The following RBM34 variants were observed in gnomAD, a reference collection of about 807,000 sequenced individuals.
RBM34 encodes the protein RNA-binding protein 34.
In RBM34, 39 loss-of-function variants were observed where a neutral mutation model predicts 44.6. That is an observed-to-expected ratio of 0.87 (90% CI 0.68 to 1.14). RBM34 has a LOEUF of 1.14. Among genes scored for constraint, RBM34 ranks in the 50% most tolerant of loss-of-function variants. The probability of loss-of-function intolerance (pLI) is 0.00; values close to 1 mark genes in which losing one functional copy is unlikely to be tolerated. For synonymous variants in RBM34, 194 were observed against 184.0 expected, an observed-to-expected ratio of 1.05 and a Z score of -0.44; for missense variants, 572 against 517.9, an observed-to-expected ratio of 1.10 and a Z score of -1.01.
At chr1:235,148,634 T>A (rs1369999138) in intron 5 of RBM34, among the ~76,000 whole-genome samples, 187 bp from the exon 6 acceptor site, 1 of 151,528 alleles carries the variant, frequency 6.6e-6, no homozygotes, top group Non-Finnish European at 1.5e-5. Flanking sequence ...AGTCTCACAC[T>A]GTCACCCAGG....
At chr1:235,160,842 G>T (rs1293314078) in intron 2 of RBM34, 51 bp downstream of exon 2, 2 of 1,597,978 alleles carry the variant, frequency 1.3e-6, no homozygotes, top group Non-Finnish European at 1.7e-6. Context: ...AGATTGCTTT[G>T]TATGTAAGTG....
chr1:235,161,220 A>C lies in RBM34; in HGVS notation c.7T>G (p.Leu3Val). 3.1e-6 allele frequency: 5 copies of C among 1,612,930 alleles called. No individual in the cohort carries two copies. The highest frequency in any genetic ancestry group is 3.4e-6 in the Non-Finnish European group (4 of 1,179,642). The change falls in exon 1 of 11, where the codon TTG becomes GTG. Residue 3 changes from leucine to valine, a missense_variant. Transcript: ENST00000408888. MA[L>V]EGMSKRKRKR... ...CTCTTCCGTTTGCTCATCCCTTCCA[A>C]GGCCATTCTTACTCCAAAGACTCCC...
At chr1:235,133,557 C>A (rs1025884423) in intron 10 of RBM34, among the ~76,000 whole-genome samples, 1 of 151,934 alleles carries the variant, frequency 6.6e-6, no homozygotes, top group African/African-American at 2.4e-5. Flanking sequence ...CAAGGAAAAA[C>A]TGAAAGGAAA....
At position 235,155,056 on chromosome 1, in the gene RBM34, T is replaced by C. The variant is rs1471231724; in HGVS notation, c.422A>G (p.Gln141Arg). The C allele has an allele frequency of 1.9e-6, 3 of 1,614,012 alleles. No individual in the cohort carries two copies. The East Asian group carries it at 6.7e-5, about 36-fold the overall frequency. ...LEEEIHQKQG[Q>R]KRKNSQPGVK... The stretch of plus-strand genomic sequence containing the variant: ...ACCAGGTTGAGAATTTTTCCTTTTC[T>C]GCCCTTGTTTCTGGTGAATTTCTTC... Residue 141 changes from glutamine to arginine, a missense_variant, in exon 4 of 11, where the codon CAG becomes CGG. Physicochemically the swap from Gln to Arg is conservative, Grantham distance 43 (BLOSUM62 1). Transcript: ENST00000408888.
intron 6 of RBM34, among the ~76,000 whole-genome samples, chr1:235,145,980 T>G (rs1206376499): frequency 6.7e-6 from 1 of 148,404 alleles, no homozygotes; most frequent in Non-Finnish European, 1.5e-5. Flanking sequence ...TTTTTTTTTT[T>G]TTTTTTTTTT....
Position 235,155,930 on chromosome 1 carries a change from C to T in RBM34, c.366-818G>A, listed in dbSNP as rs1194505174. ...TGTCTCCCAGACTGGAGTATAGTGG[C>T]GCAATCTCGGCTCACTGCAACCTCC... is the stretch of plus-strand genomic sequence containing the variant. On this transcript the variant is annotated intron_variant, in intron 3 of 10. Coordinates refer to ENST00000408888, the MANE Select transcript of RBM34 (RefSeq NM_015014.4). Among the ~76,000 whole-genome samples the T allele has an allele frequency of 4.5e-5, 6 of 133,812 alleles. No homozygotes were observed. In the South Asian group the frequency reaches 6.8e-4, roughly 15 times the overall value. The allele number at this position is 133,812 out of a possible 152,430, so 87.8% of individuals were successfully genotyped here. A position where few individuals can be genotyped will look rare whatever the true frequency, so the allele number is the denominator to read the frequency against.
intron 6 of RBM34, among the ~76,000 whole-genome samples, chr1:235,139,472 G>A (rs968463108): frequency 6.6e-6 from 1 of 152,056 alleles, no homozygotes; most frequent in African/African-American, 2.4e-5. Context: ...GAAGAGGTAC[G>A]TGACTGCGAT....
chr1:235,158,267 A>C (rs977451078), intron 3 of RBM34, among the ~76,000 whole-genome samples: 1 of 152,048 alleles, frequency 6.6e-6, no homozygotes, highest in African/African-American at 2.4e-5. Context: ...AAATACAAAA[A>C]TTAGCTGGGT....
At chr1:235,141,051 C>T (rs1342053260) in intron 6 of RBM34, among the ~76,000 whole-genome samples, 1 of 150,658 alleles carries the variant, frequency 6.6e-6, no homozygotes, top group East Asian at 2.0e-4. Context: ...CTGGTGGGGC[C>T]TTGGACAACC....
intron 10 of RBM34, among the ~76,000 whole-genome samples, chr1:235,132,782 G>A (rs554415077): frequency 6.6e-6 from 1 of 152,126 alleles, no homozygotes; most frequent in South Asian, 2.1e-4. Context: ...TTCCAATATA[G>A]AGCCATTAAT....
At chr1:235,146,723 C>A (rs906472317) in intron 6 of RBM34, among the ~76,000 whole-genome samples, 3 of 152,106 alleles carry the variant, frequency 2.0e-5, no homozygotes, top group Non-Finnish European at 4.4e-5. Context: ...TGGGATCAAG[C>A]GATTCTCTTG....
chr1:235,157,725 G>C (rs1662510833), intron 3 of RBM34, among the ~76,000 whole-genome samples: 1 of 152,198 alleles, frequency 6.6e-6, no homozygotes, highest in Non-Finnish European at 1.5e-5. Flanking sequence ...GAATTGGCAA[G>C]AGGACAATCA....
Position 235,135,860 on chromosome 1 carries a change from G to A in RBM34, c.890-90C>T, listed in dbSNP as rs541467825. The A allele has an allele frequency of 1.9e-5, 25 of 1,302,868 alleles. No individual in the cohort carries two copies. In the East Asian group the frequency reaches 5.8e-4, roughly 30 times the overall value. 80.7% of individuals were successfully genotyped at this position (1,302,868 alleles called of 1,614,324 possible). On this transcript the variant is annotated intron_variant, in intron 9 of 10. Transcript: ENST00000408888. ...TTAATAATACAGCTAGTTAAGCATG[G>A]TCCCATGAAAATAAGCCATTATATT...
At chr1:235,159,132 G>C (rs1450436687) in intron 3 of RBM34, among the ~76,000 whole-genome samples, 3 of 151,042 alleles carry the variant, frequency 2.0e-5, no homozygotes, top group African/African-American at 7.3e-5. Context: ...CGGCTGGATT[G>C]AGTCTGGGAA....
At chr1:235,141,738 G>A (rs1661691876) in intron 6 of RBM34, among the ~76,000 whole-genome samples, 1 of 152,274 alleles carries the variant, frequency 6.6e-6, no homozygotes, top group East Asian at 1.9e-4. Flanking sequence ...GCCACCGGGA[G>A]GAACGAACAA....
chr1:235,159,882 A>AAG (rs1662622861), intron 3 of RBM34, among the ~76,000 whole-genome samples: 2 of 151,504 alleles, frequency 1.3e-5, no homozygotes, highest in Middle Eastern at 3.4e-3. Flanking sequence ...AAAAAAAAAA[A>AAG]GAAACGCAAA....
Position 235,157,802 on chromosome 1 carries a change from G to C in RBM34, c.366-2690C>G, listed in dbSNP as rs933777158. On this transcript the variant is annotated intron_variant, in intron 3 of 10. Coordinates refer to ENST00000408888, the MANE Select transcript of RBM34 (RefSeq NM_015014.4). The stretch of plus-strand genomic sequence containing the variant: ...AAGCAGCCACGTGAAAGGTAACAGA[G>C]GACTCATAAGACAAAAGCTGCACTG... Among the ~76,000 whole-genome samples, 6 of 152,310 alleles carry C rather than the reference G, an allele frequency of 3.9e-5. 1 individual carries two copies. The South Asian group carries it at 1.2e-3, about 32-fold the overall frequency.
rs1055489000 is a variant in RBM34 at position 235,135,884 on chromosome 1, T to C, written c.890-114A>G. 9.8e-6 allele frequency: 12 copies of C among 1,222,102 alleles called. No individual in the cohort carries two copies. The African/African-American group carries it at 1.1e-4, about 11-fold the overall frequency. The allele number at this position is 1,222,102 out of a possible 1,614,324, so 75.7% of individuals were successfully genotyped here. On this transcript the variant is annotated intron_variant, in intron 9 of 10. Transcript: ENST00000408888. ...GGTCCCATGAAAATAAGCCATTATATTGCACACTTTTTAGTACATGTGCTG... is the reference window on the plus strand; with the variant it reads ...GGTCCCATGAAAATAAGCCATTATACTGCACACTTTTTAGTACATGTGCTG...
At chr1:235,155,661 T>C (rs940971529) in intron 3 of RBM34, among the ~76,000 whole-genome samples, 1 of 146,276 alleles carries the variant, frequency 6.8e-6, no homozygotes, top group South Asian at 2.2e-4. Flanking sequence ...GCTGCCATCA[T>C]GCCAGGCTAA....
Sources: gnomAD v4.1 joint callset for allele counts (sites outside exome capture counted in the v4.1 genomes callset) on GRCh38, gnomAD v4.1.1 for gene constraint, MANE v1.5 for transcripts, NCBI Gene and HGNC (gene_info 2026-07-23, HGNC 2026-07-21) for gene names.